The following ALMS1 variants were observed in gnomAD, a reference collection of about 807,000 sequenced individuals.
The protein encoded by ALMS1 is centrosome-associated protein ALMS1.
ALMS1 carries 271 observed loss-of-function variants against 352.2 expected under a neutral mutation model. The ratio of observed to expected loss-of-function variants is 0.77; its 90% CI spans 0.70 to 0.85. The LOEUF (loss-of-function observed/expected upper bound fraction) is 0.85, where lower values mean the gene tolerates loss of function less well. ALMS1 is among the 40% of genes least tolerant of loss of function. The pLI is 0.00. For missense variants in ALMS1, 5,445 were observed against 4,870.7 expected, an observed-to-expected ratio of 1.12 and a Z score of -3.51; for synonymous variants, 1,865 against 1,761.2, an observed-to-expected ratio of 1.06 and a Z score of -1.48.
chr2:73,601,003 G>A, intron 18 of ALMS1, 122 bp downstream of exon 18: 1 of 1,406,270 alleles, frequency 7.1e-7, no homozygotes, highest in Non-Finnish European at 9.7e-7. Context: ...CCACAACCTT[G>A]TCAGGTTTTC....
intron 10 of ALMS1, among the ~76,000 whole-genome samples, chr2:73,494,605 G>A (rs1486190540): frequency 1.3e-5 from 2 of 152,076 alleles, no homozygotes; most frequent in African/African-American, 2.4e-5. Context: ...TGACCTTGAC[G>A]CTTTGAAGAG....
rs1674978014 is a variant in ALMS1, at chr2:73,573,102, A to T, written c.11225A>T (p.Glu3742Val). Residue 3742 changes from glutamate (E) to valine (V), a missense_variant, in exon 16 of 23, where the codon GAG becomes GTG. Transcript: ENST00000613296. Reference protein sequence around the residue: ...NTSSDCRPSEESELLTDTTTN... With the variant: ...NTSSDCRPSEVSELLTDTTTN... ...TCTTCGGATTGTCGGCCCTCAGAGG[A>T]GAGTGAGCTGCTCACAGATACTACC... 6.2e-7 allele frequency: 1 copy of T among 1,614,118 alleles called. No homozygotes were observed.
intron 9 of ALMS1, among the ~76,000 whole-genome samples, chr2:73,485,106 C>G (rs1280346325): frequency 1.3e-5 from 2 of 152,216 alleles, no homozygotes; most frequent in East Asian, 3.8e-4. Flanking sequence ...AGCTTTGTTC[C>G]ATTGCTGGTG....
chr2:73,544,412 GT>G (rs1410415767), intron 12 of ALMS1, among the ~76,000 whole-genome samples: 5 of 152,106 alleles, frequency 3.3e-5, no homozygotes, highest in African/African-American at 1.2e-4. Context: ...TATACCTAAT[GT>G]TAAATGACGA....
chr2:73,572,846 G>C lies in ALMS1; in HGVS notation c.10969G>C (p.Glu3657Gln), dbSNP rs1484586067. The change falls in exon 16 of 23, where the codon GAA (glutamate) becomes CAA (glutamine). Residue 3657 changes from glutamate to glutamine, a missense_variant. Glu to Gln is a conservative substitution (Grantham distance 29). Coordinates refer to ENST00000613296, the MANE Select transcript of ALMS1 (RefSeq NM_001378454.1). ...AAGTACACATGATGATAGCAGAGGG[G>C]AACGAAGTGTGAAGGAATGGAGTGG... ...SESTHDDSRG[E>Q]RSVKEWSGRQ... 3.1e-6 allele frequency: 5 copies of C among 1,613,936 alleles called. No individual in the cohort carries two copies. Among genetic ancestry groups the C allele is most frequent in the African/African-American group, 2.7e-5 (2 of 74,902 alleles).
At chr2:73,463,340 C>T (rs145017004) in intron 9 of ALMS1, among the ~76,000 whole-genome samples, 1 of 151,852 alleles carries the variant, frequency 6.6e-6, no homozygotes, top group African/African-American at 2.4e-5. Flanking sequence ...ATAACCTGCT[C>T]CTGAATGACT....
intron 12 of ALMS1, among the ~76,000 whole-genome samples, chr2:73,537,603 A>G (rs1188656461): frequency 1.3e-5 from 2 of 152,238 alleles, no homozygotes; most frequent in South Asian, 2.1e-4. Context: ...TAAAAAGAAT[A>G]TAGACTTTAC....
chr2:73,396,550 CTTTTTTT>C (rs60473435), intron 1 of ALMS1, among the ~76,000 whole-genome samples: 1 of 78,258 alleles, frequency 1.3e-5, no homozygotes, highest in African/African-American at 5.4e-5. Context: ...GGTCTGAGCT[CTTTTTTT>C]TTTTTTTTTT....
chr2:73,414,473 G>GTTT (rs61660489), intron 2 of ALMS1, among the ~76,000 whole-genome samples: 1 of 66,416 alleles, frequency 1.5e-5, no homozygotes, highest in African/African-American at 4.3e-5. Flanking sequence ...CTTTTTTTCC[G>GTTT]TTTTTTTTTT....
At chr2:73,470,524 T>TG in intron 9 of ALMS1, 1 of 151,948 alleles carries the variant, frequency 6.6e-6, no homozygotes, top group Middle Eastern at 3.4e-3. Context: ...CTATTGTGCT[T>TG]GGGAAAAAAA....
intron 2 of ALMS1, among the ~76,000 whole-genome samples, chr2:73,409,776 T>C (rs1001697475): frequency 2.0e-5 from 3 of 152,168 alleles, no homozygotes; most frequent in African/African-American, 7.2e-5. Flanking sequence ...TGATATTTAT[T>C]ATATAGAATT....
chr2:73,554,137 C>T (rs1257326892), intron 13 of ALMS1, among the ~76,000 whole-genome samples: 1 of 151,080 alleles, frequency 6.6e-6, no homozygotes, highest in Non-Finnish European at 1.5e-5. Flanking sequence ...TTATATTGTC[C>T]TTCACCTCAA....
At chr2:73,569,565 A>C (rs1460131939) in intron 15 of ALMS1, among the ~76,000 whole-genome samples, 2 of 152,170 alleles carry the variant, frequency 1.3e-5, no homozygotes, top group Non-Finnish European at 2.9e-5. Flanking sequence ...AAAATGGTAT[A>C]CTGGCTCTTC....
chr2:73,398,376 C>T (rs1670805985), intron 1 of ALMS1, among the ~76,000 whole-genome samples: 1 of 152,108 alleles, frequency 6.6e-6, no homozygotes. Context: ...GTCTTTATTA[C>T]TGTAGCTTTA....
chr2:73,600,652 G>C, intron 17 of ALMS1, 26 bp from the exon 18 acceptor site: 1 of 1,598,884 alleles, frequency 6.3e-7, no homozygotes, highest in Non-Finnish European at 8.5e-7. Context: ...GTTACTCCCA[G>C]AGACACCTAT....
chr2:73,519,999 T>A lies in ALMS1; in HGVS notation c.9764T>A (p.Phe3255Tyr). ...ASSSSVQQVT[F>Y]SRGTDGQPLL... is the part of the protein sequence containing the mutation. Reference sequence around the variant, plus strand: ...TCATCTTCAGTCCAACAGGTTACTTTTTCTCGCGGCACAGATGGTAAGAGA... The same window carrying A: ...TCATCTTCAGTCCAACAGGTTACTTATTCTCGCGGCACAGATGGTAAGAGA... Residue 3255 changes from phenylalanine to tyrosine, a missense_variant, in exon 11 of 23, where the codon TTT (phenylalanine) becomes TAT (tyrosine). Phe to Tyr is a conservative substitution (Grantham distance 22, BLOSUM62 3). Coordinates refer to ENST00000613296, the MANE Select transcript of ALMS1 (RefSeq NM_001378454.1). 1 of 1,614,122 alleles carries A rather than the reference T, an allele frequency of 6.2e-7. No homozygotes were observed.
rs1672293259 is a variant in ALMS1 at position 73,464,810 on chromosome 2, A to ACC, written c.7674+9515_7674+9516insCC. On this transcript the variant is annotated intron_variant, in intron 9 of 22. Coordinates refer to ENST00000613296, the MANE Select transcript of ALMS1 (RefSeq NM_001378454.1). The stretch of plus-strand genomic sequence containing the variant: ...ATTCTTATACACCAACAGCAGACAA[A>ACC]GAGCGAGCCAAATCATGAGTGAACT... Among the ~76,000 whole-genome samples the ACC allele has an allele frequency of 2.6e-5, 4 of 152,366 alleles. No individual in the cohort carries two copies. In the South Asian group the frequency reaches 8.3e-4, roughly 32 times the overall value.
intron 16 of ALMS1, among the ~76,000 whole-genome samples, chr2:73,579,056 C>T (rs1675113272): frequency 9.6e-6 from 1 of 103,898 alleles, no homozygotes; most frequent in Non-Finnish European, 1.8e-5. Flanking sequence ...TTAATTTCTC[C>T]TTTATTCTTT....
chr2:73,586,585 T>G (rs374204374), intron 16 of ALMS1, among the ~76,000 whole-genome samples: 10 of 152,310 alleles, frequency 6.6e-5, no homozygotes, highest in East Asian at 5.8e-4. Flanking sequence ...CTGGGTTCTG[T>G]GTTCTGTTCC....
Sources: allele counts gnomAD v4.1 joint callset (sites outside exome capture counted in the v4.1 genomes callset), GRCh38; gene constraint gnomAD v4.1.1; transcripts MANE v1.5; gene names NCBI Gene and HGNC (gene_info 2026-07-23, HGNC 2026-07-21).